LMF1: variants seen among roughly 807,000 people sequenced by gnomAD.
The protein encoded by LMF1 is transmembrane protein 112.
In LMF1, 68 loss-of-function variants were observed where a neutral mutation model predicts 60.6. The observed-to-expected ratio is 1.12, with a 90% confidence interval of 0.92 to 1.37. The LOEUF (loss-of-function observed/expected upper bound fraction) is 1.37. LMF1 is among the 40% of genes most tolerant of loss of function. The pLI, the probability that LMF1 is intolerant of heterozygous loss-of-function variation, is 0.00. For synonymous variants in LMF1, 418 were observed against 324.7 expected (o/e 1.29, Z -3.09); for missense variants, 948 against 767.2 (o/e 1.24, Z -2.78).
At chr16:952,211 C>A (rs763885786) in intron 2 of LMF1, among the ~76,000 whole-genome samples, 1 of 152,146 alleles carries the variant, frequency 6.6e-6, no homozygotes, top group African/African-American at 2.4e-5. Context: ...GAGGAAACAC[C>A]AGCAACTGGA....
chr16:914,912 T>C (rs1016401547), intron 3 of LMF1, among the ~76,000 whole-genome samples: 1 of 152,056 alleles, frequency 6.6e-6, no homozygotes, highest in Non-Finnish European at 1.5e-5. Flanking sequence ...AATATCCGAG[T>C]GCTAATCAGT....
chr16:979,085 C>T (rs770524607), intron 1 of LMF1: 7 of 453,834 alleles, frequency 1.5e-5, no homozygotes, highest in East Asian at 6.9e-5. Context: ...GAGGGTGGCC[C>T]GGCTCCATCC....
intron 2 of LMF1, among the ~76,000 whole-genome samples, chr16:953,447 C>A (rs186571359): frequency 0.41 from 1,250 of 3,076 alleles, 323 homozygotes; most frequent in African/African-American, 0.54. Flanking sequence ...ACGGACCCCA[C>A]ACCAGCCTCC....
chr16:975,046 G>A (rs1378154077), upstream of LMF1, among the ~76,000 whole-genome samples: 2 of 152,204 alleles, frequency 1.3e-5, no homozygotes, highest in African/African-American at 2.4e-5. Flanking sequence ...AGGCTGGCAG[G>A]TGCGGGTGGG....
intron 10 of LMF1, among the ~76,000 whole-genome samples, chr16:859,493 C>G (rs866492174): frequency 0.039 from 1,260 of 32,240 alleles, no homozygotes; most frequent in Admixed American, 0.074. Flanking sequence ...AGTGGTGTCT[C>G]GGGACGGGTG....
intron 3 of LMF1, 164 bp from the exon 4 acceptor site, chr16:911,243 G>T (rs1215406885): frequency 4.8e-6 from 4 of 839,474 alleles, no homozygotes; most frequent in African/African-American, 3.4e-5. Flanking sequence ...CGACACGCAA[G>T]GTCAGGTCTG....
chr16:975,463 C>T (rs982147009), upstream of LMF1, among the ~76,000 whole-genome samples: 8 of 152,222 alleles, frequency 5.3e-5, no homozygotes, highest in East Asian at 1.9e-4. Context: ...CGGTCACCGA[C>T]GGCCACATTA....
rs1264062806 is a variant in LMF1, at chr16:954,632, C to T, written c.228G>A (p.Lys76=). The T allele has an allele frequency of 1.2e-6, 2 of 1,605,012 alleles. No individual in the cohort carries two copies. Among genetic ancestry groups the T allele is most frequent in the African/African-American group, 2.7e-5 (2 of 74,742 alleles). The change falls in exon 2 of 11, where the codon AAG becomes AAA. Residue 76 remains lysine (K), a synonymous_variant. Transcript: ENST00000262301. The stretch of plus-strand genomic sequence containing the variant: ...GCAGCCCCCTGTCACCGATGAGCTG[C>T]TTGTTCTGATGGAAAGCCACCAGGA... ...VAFLVAFHQN[K]QLIGDRGLLP... is the part of the protein sequence containing the mutation.
intron 10 of LMF1, among the ~76,000 whole-genome samples, chr16:860,655 T>C (rs2069435128): frequency 1.3e-5 from 2 of 152,234 alleles, no homozygotes; most frequent in African/African-American, 2.4e-5. Context: ...AAGTTGATTG[T>C]CTTATGCTTT....
rs550325583 is a variant in LMF1 at position 895,471 on chromosome 16, G to C, written c.664-2399C>G. On this transcript the variant is annotated intron_variant, in intron 4 of 10. Coordinates refer to ENST00000262301, the MANE Select transcript of LMF1 (RefSeq NM_022773.4). ...CCTTCGGGGCGGCCGTGGGCCCCTA[G>C]CCGGGGCCAGGCAGGACGGGAGCCG... 3.3e-5 allele frequency among the ~76,000 whole-genome samples: 5 copies of C among 152,350 alleles called. No homozygotes were observed. In the East Asian group the frequency reaches 5.8e-4, roughly 18 times the overall value.
chr16:894,593 C>A (rs1321897290), intron 4 of LMF1, among the ~76,000 whole-genome samples: 2 of 152,190 alleles, frequency 1.3e-5, no homozygotes, highest in Non-Finnish European at 2.9e-5. Flanking sequence ...GGCCACCAGT[C>A]GTGGCAGACG....
rs1313578793 is a variant in LMF1 at position 949,147 on chromosome 16, T to TGACAGAGTCAGCCAAC, written c.503+5194_503+5209dup. Among the ~76,000 whole-genome samples the TGACAGAGTCAGCCAAC allele has an allele frequency of 5.0e-4, 53 of 105,690 alleles. 1 individual carries two copies. The highest frequency in any genetic ancestry group is 1.7e-3 in the African/African-American group (47 of 26,974). 69.3% of individuals were successfully genotyped at this position (105,690 alleles called of 152,430 possible). On this transcript the variant is annotated intron_variant, in intron 2 of 10. Transcript: ENST00000262301. The stretch of plus-strand genomic sequence containing the variant: ...CAGCCAACGACAGAGTTAGAGACAA[T>TGACAGAGTCAGCCAAC]GACAGAGTCAGCCAACGACAGAGTC...
intron 3 of LMF1, among the ~76,000 whole-genome samples, chr16:924,446 C>T (rs1436281110): frequency 1.3e-5 from 2 of 152,090 alleles, no homozygotes; most frequent in Non-Finnish European, 2.9e-5. Flanking sequence ...ATCTTCAGGC[C>T]ACACTGGCCA....
intron 4 of LMF1, among the ~76,000 whole-genome samples, chr16:898,491 G>A (rs2070723398): frequency 1.3e-5 from 2 of 152,254 alleles, no homozygotes; most frequent in African/African-American, 4.8e-5. Flanking sequence ...CCCCGGCTCT[G>A]GGTGTCCTTG....
intron 2 of LMF1, among the ~76,000 whole-genome samples, chr16:942,583 G>A (rs1184421242): frequency 6.8e-6 from 1 of 146,978 alleles, no homozygotes; most frequent in Non-Finnish European, 1.5e-5. Flanking sequence ...ACATATGTTA[G>A]CCCACCGGGT....
In LMF1 at chr16:854,487, G is replaced by A. The variant is rs1438107055; in HGVS notation, c.*45C>T. On this transcript the variant is annotated 3_prime_UTR_variant, in exon 11 of 11. Coordinates refer to ENST00000262301, the MANE Select transcript of LMF1 (RefSeq NM_022773.4). ...GGCGCAGGGAAGGGCAAACGTTGCTGAGCCGCCGAGGGGCTGGGTCTTCGC... is the reference window on the plus strand; with the variant it reads ...GGCGCAGGGAAGGGCAAACGTTGCTAAGCCGCCGAGGGGCTGGGTCTTCGC... 1.3e-6 allele frequency: 2 copies of A among 1,563,842 alleles called. No homozygotes were observed. Among genetic ancestry groups the A allele is most frequent in the Non-Finnish European group, 1.7e-6 (2 of 1,157,608 alleles).
chr16:978,213 A>G (rs993776129), intron 1 of LMF1, among the ~76,000 whole-genome samples: 1 of 147,152 alleles, frequency 6.8e-6, no homozygotes, highest in Non-Finnish European at 1.5e-5. Context: ...CACATCATAC[A>G]CATACACACC....
At chr16:857,675 C>T (rs1369032761) in intron 10 of LMF1, among the ~76,000 whole-genome samples, 3 of 46,782 alleles carry the variant, frequency 6.4e-5, no homozygotes, top group Non-Finnish European at 6.9e-5. Flanking sequence ...TGTCACGGGA[C>T]GGGTGTGAGT....
At chr16:975,294 G>C (rs535447908), upstream of LMF1, among the ~76,000 whole-genome samples, 2 of 152,198 alleles carry the variant, frequency 1.3e-5, no homozygotes, top group Non-Finnish European at 2.9e-5. Context: ...TCCGGTTGCA[G>C]GGCCCTATGT....
Sources: gnomAD v4.1 joint callset for allele counts (sites outside exome capture counted in the v4.1 genomes callset) on GRCh38, gnomAD v4.1.1 for gene constraint, MANE v1.5 for transcripts, NCBI Gene and HGNC (gene_info 2026-07-23, HGNC 2026-07-21) for gene names.